The following IL1RL2 variants were observed in gnomAD, a reference collection of about 807,000 sequenced individuals.
IL1RL2 encodes the protein interleukin-1 receptor-like 2.
IL1RL2 carries 68 observed loss-of-function variants against 66.8 expected under a neutral mutation model. The observed-to-expected ratio is 1.02, with a 90% confidence interval of 0.84 to 1.25. The LOEUF is 1.25. IL1RL2 is among the 50% of genes most tolerant of loss of function. The pLI is 0.00. For missense variants in IL1RL2, 729 were observed against 709.3 expected, an observed-to-expected ratio of 1.03 and a Z score of -0.32; for synonymous variants, 305 against 264.6, an observed-to-expected ratio of 1.15 and a Z score of -1.48.
At chr2:102,195,629 C>CCTTCTTTCTT (rs1559530278) in intron 4 of IL1RL2, among the ~76,000 whole-genome samples, 3 of 17,322 alleles carry the variant, frequency 1.7e-4, no homozygotes, top group African/African-American at 3.8e-4. Context: ...TTCTTTCTTT[C>CCTTCTTTCTT]TCTCTCTCTC....
At chr2:102,223,000 G>A (rs1180151038) in intron 8 of IL1RL2, among the ~76,000 whole-genome samples, 2 of 152,204 alleles carry the variant, frequency 1.3e-5, no homozygotes, top group African/African-American at 2.4e-5. Context: ...GTGTTCCGAA[G>A]GATTCTGAGG....
downstream of IL1RL2, among the ~76,000 whole-genome samples, chr2:102,242,078 C>T (rs1675246275): frequency 6.6e-6 from 1 of 152,168 alleles, no homozygotes; most frequent in Non-Finnish European, 1.5e-5. Context: ...AAACTCGCAA[C>T]CCTCAGACAC....
rs1686826878 is a variant in IL1RL2, at chr2:102,187,856, C to T, written c.-12C>T. ...CCACCCTCTTCTCCCTTCCTTGCAG[C>T]CCGGTTTGGGGATGTGGTCCTTGCT... is the stretch of plus-strand genomic sequence containing the variant. On this transcript the variant is annotated splice_region_variant and 5_prime_UTR_variant, in exon 2 of 12. Coordinates refer to ENST00000264257, the MANE Select transcript of IL1RL2 (RefSeq NM_003854.4). 2 of 1,614,062 alleles carry T rather than the reference C, an allele frequency of 1.2e-6. No homozygotes were observed. The highest frequency in any genetic ancestry group is 1.1e-5 in the South Asian group (1 of 91,090).
intron 3 of IL1RL2, among the ~76,000 whole-genome samples, chr2:102,190,317 A>G (rs765488866): frequency 6.6e-6 from 1 of 152,204 alleles, no homozygotes; most frequent in Non-Finnish European, 1.5e-5. Flanking sequence ...CTGAGGGCCC[A>G]ATTTCGTGAC....
intron 1 of IL1RL2, 61 bp from the exon 2 acceptor site, chr2:102,187,795 C>T: frequency 2.1e-6 from 3 of 1,433,350 alleles, no homozygotes; most frequent in Non-Finnish European, 3.0e-6. Flanking sequence ...TCGCCCACGC[C>T]GGCGCCTCGG....
rs751264204 is a variant in IL1RL2, at chr2:102,191,943, T to G, written c.312T>G (p.His104Gln). Residue 104 changes from histidine to glutamine, a missense_variant, in exon 4 of 12, where the codon CAT becomes CAG. Transcript: ENST00000264257. ...QCVIKGRDSCHRIHVNLTVFE... is the reference protein window; with the variant it reads ...QCVIKGRDSCQRIHVNLTVFE... Reference sequence around the variant, plus strand: ...CTTACAGGGGTAGAGACAGCTGTCATAGAATACATGTAAACCTAACTGTTT... The same window carrying G: ...CTTACAGGGGTAGAGACAGCTGTCAGAGAATACATGTAAACCTAACTGTTT... The G allele has an allele frequency of 3.1e-6, 5 of 1,610,796 alleles. No homozygotes were observed. The African/African-American group carries it at 4.0e-5, about 13-fold the overall frequency.
At chr2:102,203,594 T>C (rs1477094148) in intron 5 of IL1RL2, among the ~76,000 whole-genome samples, 2 of 152,098 alleles carry the variant, frequency 1.3e-5, no homozygotes, top group Non-Finnish European at 2.9e-5. Flanking sequence ...TTGTTACTTG[T>C]TATTGGTCTG....
At chr2:102,217,672 A>G (rs533346318) in intron 6 of IL1RL2, among the ~76,000 whole-genome samples, 68 of 152,294 alleles carry the variant, frequency 4.5e-4, no homozygotes, top group South Asian at 1.0e-3. Context: ...CCAGGAACAC[A>G]CATTAAACAA....
At chr2:102,206,740 T>C (rs1288076072) in intron 5 of IL1RL2, among the ~76,000 whole-genome samples, 1 of 152,310 alleles carries the variant, frequency 6.6e-6, no homozygotes, top group East Asian at 1.9e-4. Flanking sequence ...TGGCTACTGC[T>C]TATGTTTGCT....
intron 8 of IL1RL2, among the ~76,000 whole-genome samples, chr2:102,224,627 G>C (rs1300009614): frequency 6.6e-6 from 1 of 152,218 alleles, no homozygotes; most frequent in Non-Finnish European, 1.5e-5. Flanking sequence ...AAAAAATACA[G>C]TTTGATAGTA....
intron 8 of IL1RL2, among the ~76,000 whole-genome samples, chr2:102,224,246 T>C (rs1690403783): frequency 6.6e-6 from 1 of 152,200 alleles, no homozygotes; most frequent in Non-Finnish European, 1.5e-5. Flanking sequence ...GACATTAGCA[T>C]ATTAAAGAGA....
At chr2:102,201,026 G>A (rs374305100) in intron 4 of IL1RL2, among the ~76,000 whole-genome samples, 17 of 152,210 alleles carry the variant, frequency 1.1e-4, no homozygotes, top group Admixed American at 2.0e-4. Flanking sequence ...AATTGGGCCC[G>A]CAAGGCAGTG....
At chr2:102,206,141 C>T (rs1688679951) in intron 5 of IL1RL2, among the ~76,000 whole-genome samples, 1 of 152,012 alleles carries the variant, frequency 6.6e-6, no homozygotes, top group South Asian at 2.1e-4. Flanking sequence ...ATTCTGAATT[C>T]CTTTTCTATG....
intron 6 of IL1RL2, among the ~76,000 whole-genome samples, chr2:102,213,290 T>C (rs1158669473): frequency 1.3e-5 from 2 of 152,134 alleles, no homozygotes; most frequent in East Asian, 3.9e-4. Flanking sequence ...GAAACATCTA[T>C]GAAAAACCAG....
chr2:102,220,837 C>G (rs1690057322), intron 8 of IL1RL2, among the ~76,000 whole-genome samples: 1 of 152,190 alleles, frequency 6.6e-6, no homozygotes, highest in African/African-American at 2.4e-5. Context: ...TAGAACCTAA[C>G]AGAAAACACA....
intron 4 of IL1RL2, among the ~76,000 whole-genome samples, chr2:102,193,453 G>T (rs756205756): frequency 9.2e-5 from 14 of 152,154 alleles, no homozygotes; most frequent in Non-Finnish European, 1.8e-4. Flanking sequence ...GTCCAGGCTG[G>T]AGTGCAGTGG....
intron 5 of IL1RL2, among the ~76,000 whole-genome samples, chr2:102,203,346 T>C (rs774266738): frequency 9.0e-5 from 7 of 78,014 alleles, no homozygotes; most frequent in African/African-American, 1.7e-4. Flanking sequence ...TTCTCTCTCT[T>C]TTTTTTTTTT....
intron 4 of IL1RL2, among the ~76,000 whole-genome samples, chr2:102,194,418 C>T (rs992324694): frequency 6.6e-6 from 1 of 152,120 alleles, no homozygotes; most frequent in Non-Finnish European, 1.5e-5. Flanking sequence ...ACTTTCCTCA[C>T]TTATGAATGC....
intron 3 of IL1RL2, among the ~76,000 whole-genome samples, chr2:102,190,912 A>G (rs1021488687): frequency 6.6e-6 from 1 of 152,250 alleles, no homozygotes; most frequent in African/African-American, 2.4e-5. Context: ...TGAATTCTCC[A>G]AGACTTTTAT....
Sources: gnomAD v4.1 joint callset for allele counts (sites outside exome capture counted in the v4.1 genomes callset) on GRCh38, gnomAD v4.1.1 for gene constraint, MANE v1.5 for transcripts, NCBI Gene and HGNC (gene_info 2026-07-23, HGNC 2026-07-21) for gene names.